Variants in ST8SIA4 observed in about 807,000 individuals in gnomAD.
The protein encoded by ST8SIA4 is CMP-N-acetylneuraminate-poly-alpha-2,8-sialyltransferase.
Under a neutral mutation model 33.9 loss-of-function variants are expected in ST8SIA4, and 15 were observed. The ratio of observed to expected loss-of-function variants is 0.44; its 90% CI spans 0.30 to 0.68. The LOEUF (loss-of-function observed/expected upper bound fraction) is 0.68. Among genes scored for constraint, ST8SIA4 ranks in the 30% least tolerant of loss-of-function variants. ST8SIA4 has a pLI of 0.10. For missense variants in ST8SIA4, 321 were observed against 428.0 expected, an observed-to-expected ratio of 0.75 and a Z score of 2.21; for synonymous variants, 171 against 151.2, an observed-to-expected ratio of 1.13 and a Z score of -0.96.
chr5:100,885,320 A>C (rs1050686222), intron 3 of ST8SIA4: 10 of 930,746 alleles, frequency 1.1e-5, no homozygotes, highest in Non-Finnish European at 1.3e-5. Flanking sequence ...ATAAGGTAAA[A>C]TGTTTGCAGT....
chr5:100,855,117 C>T (rs1053946375), intron 4 of ST8SIA4, among the ~76,000 whole-genome samples: 11 of 152,232 alleles, frequency 7.2e-5, no homozygotes, highest in African/African-American at 1.9e-4. Flanking sequence ...CATACGTTTA[C>T]TGTGCACTTC....
chr5:100,815,420 T>TTC (rs1750894369), intron 4 of ST8SIA4, among the ~76,000 whole-genome samples: 1 of 151,358 alleles, frequency 6.6e-6, no homozygotes, highest in Non-Finnish European at 1.5e-5. Flanking sequence ...ATCCTTCCTT[T>TTC]CTTCCTTCCT....
chr5:100,859,920 C>T (rs1392268618), intron 3 of ST8SIA4, among the ~76,000 whole-genome samples: 1 of 152,068 alleles, frequency 6.6e-6, no homozygotes, highest in East Asian at 1.9e-4. Flanking sequence ...GCAAACACTA[C>T]TCTAGAAGCT....
chr5:100,872,016 C>A (rs1282859441), intron 3 of ST8SIA4, among the ~76,000 whole-genome samples: 3 of 152,006 alleles, frequency 2.0e-5, no homozygotes, highest in Non-Finnish European at 4.4e-5. Context: ...CTCTTATGTA[C>A]TAATTTTGAA....
At position 100,811,655 on chromosome 5, in the gene ST8SIA4, G is replaced by T; in HGVS notation, c.*192C>A. The T allele has an allele frequency of 1.7e-6, 1 of 589,666 alleles. No individual in the cohort carries two copies. The highest frequency in any genetic ancestry group is 2.1e-5 in the South Asian group (1 of 47,356). The allele number at this position is 589,666 out of a possible 1,614,324, so 36.5% of individuals were successfully genotyped here. ...AGTGGCACTTACTAGGACCCTTAAA[G>T]TCAAAATATTTAATTTTTAGAGCAC... On this transcript the variant is annotated 3_prime_UTR_variant, in exon 5 of 5. Transcript: ENST00000231461.
intron 4 of ST8SIA4, among the ~76,000 whole-genome samples, chr5:100,816,944 T>C (rs1387659912): frequency 6.6e-6 from 1 of 150,866 alleles, no homozygotes; most frequent in East Asian, 1.9e-4. Context: ...TTTTTCTTTT[T>C]TTTTTTTTGA....
At chr5:100,886,095 C>G in intron 3 of ST8SIA4, 1 of 1,268,400 alleles carries the variant, frequency 7.9e-7, no homozygotes, top group Non-Finnish European at 1.0e-6. Flanking sequence ...TGCCTCCCCC[C>G]TCACCTCACC....
At chr5:100,814,910 C>T (rs1430925327) in intron 4 of ST8SIA4, among the ~76,000 whole-genome samples, 2 of 151,928 alleles carry the variant, frequency 1.3e-5, no homozygotes, top group Non-Finnish European at 2.9e-5. Flanking sequence ...TCTACCTATA[C>T]ACAATTTGAT....
intron 4 of ST8SIA4, among the ~76,000 whole-genome samples, chr5:100,848,534 C>G (rs769494859): frequency 9.4e-5 from 14 of 148,998 alleles, no homozygotes; most frequent in African/African-American, 2.0e-4. Flanking sequence ...AGAGAAACAG[C>G]AAGAGAATAC....
chr5:100,902,397 TA>T (rs1460533824), intron 1 of ST8SIA4, among the ~76,000 whole-genome samples: 1 of 151,972 alleles, frequency 6.6e-6, no homozygotes, highest in African/African-American at 2.4e-5. Flanking sequence ...AAACAGAGTA[TA>T]CCTATTTCCT....
At position 100,895,779 on chromosome 5, in the gene ST8SIA4, A is replaced by G. The variant is rs1303663179; in HGVS notation, c.120T>C (p.Gly40=). ...CAAGTGACCGACTCAAAGACAATTCACCATCTCTGAAACAAAACAAAATTG... is the reference window on the plus strand; with the variant it reads ...CAAGTGACCGACTCAAAGACAATTCGCCATCTCTGAAACAAAACAAAATTG... The part of the protein sequence containing the change: ...EHQETQLIGD[G]ELSLSRSLVN... The change falls in exon 2 of 5, where the codon GGT becomes GGC. Residue 40 remains glycine, a synonymous_variant. Coordinates refer to ENST00000231461, the MANE Select transcript of ST8SIA4 (RefSeq NM_005668.6). 6.2e-7 allele frequency: 1 copy of G among 1,612,240 alleles called. No individual in the cohort carries two copies. Among genetic ancestry groups the G allele is most frequent in the African/African-American group, 1.3e-5 (1 of 74,970 alleles).
intron 1 of ST8SIA4, among the ~76,000 whole-genome samples, chr5:100,900,740 G>A (rs1752889904): frequency 8.2e-6 from 1 of 121,398 alleles, no homozygotes; most frequent in Non-Finnish European, 1.6e-5. Flanking sequence ...TGCCGACTGA[G>A]CTTTGAAAGT....
At chr5:100,822,400 G>C (rs1159854659) in intron 4 of ST8SIA4, among the ~76,000 whole-genome samples, 1 of 152,144 alleles carries the variant, frequency 6.6e-6, no homozygotes, top group African/African-American at 2.4e-5. Context: ...AACAACTTCG[G>C]TACAGTGAAA....
At chr5:100,825,141 A>G (rs1256556121) in intron 4 of ST8SIA4, among the ~76,000 whole-genome samples, 1 of 152,182 alleles carries the variant, frequency 6.6e-6, no homozygotes, top group South Asian at 2.1e-4. Flanking sequence ...ACAGATTCCT[A>G]GAGTGGGATA....
At chr5:100,849,431 T>C (rs1274074607) in intron 4 of ST8SIA4, 1 of 985,272 alleles carries the variant, frequency 1.0e-6, no homozygotes, top group African/African-American at 1.7e-5. Context: ...CAAATCCTCT[T>C]TAAAATCAAG....
chr5:100,886,301 C>G, intron 3 of ST8SIA4, 42 bp downstream of exon 3: 1 of 1,584,954 alleles, frequency 6.3e-7, no homozygotes, highest in Middle Eastern at 1.7e-4. Context: ...AGTAAAATAT[C>G]TTTGAAAAAC....
intron 4 of ST8SIA4, among the ~76,000 whole-genome samples, chr5:100,828,520 A>ATC (rs1751188275): frequency 6.6e-6 from 1 of 152,162 alleles, no homozygotes; most frequent in African/African-American, 2.4e-5. Flanking sequence ...TTAGACAGAA[A>ATC]CATAGGTTGG....
intron 3 of ST8SIA4, among the ~76,000 whole-genome samples, chr5:100,869,443 C>A (rs1261957573): frequency 6.6e-6 from 1 of 152,086 alleles, no homozygotes; most frequent in Non-Finnish European, 1.5e-5. Flanking sequence ...TGAATCATAC[C>A]ATCGACACTA....
intron 3 of ST8SIA4, among the ~76,000 whole-genome samples, chr5:100,865,570 GAT>G (rs1029605057): frequency 2.3e-4 from 35 of 152,066 alleles, no homozygotes; most frequent in Middle Eastern, 3.2e-3. Context: ...CTATCCCAAT[GAT>G]ATTTCAAATC....
Sources: allele counts gnomAD v4.1 joint callset (sites outside exome capture counted in the v4.1 genomes callset), GRCh38; gene constraint gnomAD v4.1.1; transcripts MANE v1.5; gene names NCBI Gene and HGNC (gene_info 2026-07-23, HGNC 2026-07-21).